Variants in CCDC148 observed in about 807,000 individuals in gnomAD.
CCDC148 encodes the protein coiled-coil domain-containing protein 148.
Under a neutral mutation model 85.7 loss-of-function variants are expected in CCDC148, and 89 were observed. The observed-to-expected ratio is 1.04, with a 90% confidence interval of 0.87 to 1.24. The LOEUF (loss-of-function observed/expected upper bound fraction) is 1.24. Among genes scored for constraint, CCDC148 ranks in the 50% most tolerant of loss-of-function variants. The probability of loss-of-function intolerance (pLI) is 0.00; values close to 1 mark genes in which losing one functional copy is unlikely to be tolerated. For synonymous variants in CCDC148, 230 were observed against 213.9 expected (o/e 1.08, Z -0.66); for missense variants, 692 against 671.7 (o/e 1.03, Z -0.33).
At chr2:158,332,433 C>G (rs540125337) in intron 7 of CCDC148, among the ~76,000 whole-genome samples, 1 of 138,920 alleles carries the variant, frequency 7.2e-6, no homozygotes, top group South Asian at 2.2e-4. Flanking sequence ...TCTGGCTGCC[C>G]TTAACATTTT....
intron 7 of CCDC148, among the ~76,000 whole-genome samples, chr2:158,324,545 C>T (rs1692675807): frequency 6.6e-6 from 1 of 152,012 alleles, no homozygotes; most frequent in African/African-American, 2.4e-5. Context: ...ATGTTGAACA[C>T]CCCTGAAGCC....
chr2:158,331,235 C>T (rs1055605858), intron 7 of CCDC148, among the ~76,000 whole-genome samples: 7 of 152,090 alleles, frequency 4.6e-5, no homozygotes, highest in South Asian at 4.1e-4. Context: ...TCAAAGAACA[C>T]CTTTATGTCT....
chr2:158,435,656 G>T (rs1016319438), intron 1 of CCDC148, among the ~76,000 whole-genome samples: 1 of 152,170 alleles, frequency 6.6e-6, no homozygotes, highest in South Asian at 2.1e-4. Context: ...CAGGCTAAAT[G>T]CTCCAATTAA....
intron 2 of CCDC148, among the ~76,000 whole-genome samples, chr2:158,358,162 G>A (rs1164725589): frequency 6.6e-6 from 1 of 152,152 alleles, no homozygotes; most frequent in Non-Finnish European, 1.5e-5. Flanking sequence ...GATTAAGTTG[G>A]AAGTTGTTGA....
chr2:158,212,871 T>A (rs1324859964), intron 11 of CCDC148, among the ~76,000 whole-genome samples: 1 of 152,166 alleles, frequency 6.6e-6, no homozygotes, highest in Non-Finnish European at 1.5e-5. Context: ...GTGAGGGTAC[T>A]GTCTAGGAAA....
intron 2 of CCDC148, among the ~76,000 whole-genome samples, chr2:158,350,521 A>G (rs1683208758): frequency 1.3e-5 from 2 of 152,182 alleles, no homozygotes; most frequent in African/African-American, 2.4e-5. Context: ...AAACACTAAA[A>G]AACACTCACA....
At chr2:158,215,149 G>A (rs1686782103) in intron 11 of CCDC148, among the ~76,000 whole-genome samples, 1 of 152,086 alleles carries the variant, frequency 6.6e-6, no homozygotes, top group Admixed American at 6.5e-5. Context: ...ATATAACAAA[G>A]GTGGCATTTT....
At chr2:158,389,546 G>T (rs958628084) in intron 1 of CCDC148, among the ~76,000 whole-genome samples, 1 of 152,068 alleles carries the variant, frequency 6.6e-6, no homozygotes, top group Non-Finnish European at 1.5e-5. Flanking sequence ...TATCCATGTC[G>T]TCACAAACTA....
At chr2:158,222,487 T>C (rs575232162) in intron 10 of CCDC148, among the ~76,000 whole-genome samples, 3 of 152,136 alleles carry the variant, frequency 2.0e-5, no homozygotes, top group African/African-American at 4.8e-5. Flanking sequence ...TCTCTCTCTC[T>C]CTAATCCTTT....
At chr2:158,412,122 C>G (rs539171592) in intron 1 of CCDC148, among the ~76,000 whole-genome samples, 3 of 152,158 alleles carry the variant, frequency 2.0e-5, no homozygotes, top group African/African-American at 7.2e-5. Context: ...GTGACAACTA[C>G]TGGGGTCCTC....
intron 11 of CCDC148, among the ~76,000 whole-genome samples, chr2:158,200,120 G>C (rs897187696): frequency 4.6e-5 from 7 of 152,182 alleles, no homozygotes; most frequent in Admixed American, 2.6e-4. Flanking sequence ...TGGTGACACA[G>C]AGTTTGGTGG....
intron 9 of CCDC148, among the ~76,000 whole-genome samples, chr2:158,305,056 A>G (rs1691618642): frequency 6.6e-6 from 1 of 152,110 alleles, no homozygotes; most frequent in Admixed American, 6.5e-5. Flanking sequence ...AAAATATCAG[A>G]GTCAGGGTAG....
rs548846915 is a variant in CCDC148, at chr2:158,437,833, AACAG to A, written c.25+18578_25+18581del. Among the ~76,000 whole-genome samples the A allele has an allele frequency of 6.9e-4, 105 of 152,186 alleles. 1 individual carries two copies. The Middle Eastern group carries it at 0.02, about 30-fold the overall frequency. ...AGCACAAGCATTCTTATGTACCAATAACAGACAGAGAGCCAAATTATGAGTGAAT... is the reference window on the plus strand; with the variant it reads ...AGCACAAGCATTCTTATGTACCAATAACAGAGAGCCAAATTATGAGTGAAT... On this transcript the variant is annotated intron_variant, in intron 1 of 13. Coordinates refer to ENST00000283233, the MANE Select transcript of CCDC148 (RefSeq NM_138803.4).
At chr2:158,451,791 A>G (rs888592379) in intron 1 of CCDC148, among the ~76,000 whole-genome samples, 10 of 152,072 alleles carry the variant, frequency 6.6e-5, no homozygotes, top group Non-Finnish European at 1.5e-4. Context: ...CTATTTACTT[A>G]TTAAAAAAAA....
chr2:158,284,171 T>C (rs992796232), intron 9 of CCDC148, among the ~76,000 whole-genome samples: 1 of 151,238 alleles, frequency 6.6e-6, no homozygotes, highest in Non-Finnish European at 1.5e-5. Flanking sequence ...ATATACCTAA[T>C]GCTAGATGAC....
At chr2:158,348,437 CAAA>C (rs11292736) in intron 2 of CCDC148, among the ~76,000 whole-genome samples, 8 of 143,322 alleles carry the variant, frequency 5.6e-5, no homozygotes, top group African/African-American at 2.0e-4. Flanking sequence ...AGCAAATCTA[CAAA>C]AAAAAAAAGT....
chr2:158,340,697 C>T lies in CCDC148; in HGVS notation c.252-17G>A. 7.3e-7 allele frequency: 1 copy of T among 1,370,492 alleles called. No homozygotes were observed. The allele number at this position is 1,370,492 out of a possible 1,614,324, so 84.9% of individuals were successfully genotyped here. On this transcript the variant is annotated splice_polypyrimidine_tract_variant and intron_variant, in intron 3 of 13. Transcript: ENST00000283233. ...ATTTTACATCTGAAATAGATGTGAT[C>T]TCAATAAATGTTACAATCATAAACA...
chr2:158,179,166 A>ATTTTTTTTTTTTTTTTTT lies in CCDC148; in HGVS notation c.1371-188_1371-171dup, dbSNP rs10699879. 4.8e-5 allele frequency among the ~76,000 whole-genome samples: 4 copies of ATTTTTTTTTTTTTTTTTT among 82,824 alleles called. 1 individual carries two copies. Among genetic ancestry groups the ATTTTTTTTTTTTTTTTTT allele is most frequent in the Non-Finnish European group, 8.7e-5 (4 of 45,976 alleles). 54.3% of individuals were successfully genotyped at this position (82,824 alleles called of 152,430 possible). ...ATAAAAGACACTCATATAAAATGCA[A>ATTTTTTTTTTTTTTTTTT]TTTTTTTTTTTTTTTTTTTTTTTGA... is the stretch of plus-strand genomic sequence containing the variant. On this transcript the variant is annotated intron_variant, in intron 11 of 13. Transcript: ENST00000283233.
chr2:158,335,759 C>T (rs1164815927), intron 7 of CCDC148, among the ~76,000 whole-genome samples: 2 of 152,034 alleles, frequency 1.3e-5, no homozygotes, highest in South Asian at 2.1e-4. Context: ...CACAGCCAAA[C>T]CATATCAGCA....
Sources: gnomAD v4.1 joint callset for allele counts (sites outside exome capture counted in the v4.1 genomes callset) on GRCh38, gnomAD v4.1.1 for gene constraint, MANE v1.5 for transcripts, NCBI Gene and HGNC (gene_info 2026-07-23, HGNC 2026-07-21) for gene names.